The following NIPAL2 variants were observed in gnomAD, a reference collection of about 807,000 sequenced individuals.
NIPAL2 encodes NIPA-like protein 2.
In NIPAL2, 43 loss-of-function variants were observed where a neutral mutation model predicts 48.9. The ratio of observed to expected loss-of-function variants is 0.88; its 90% CI spans 0.69 to 1.13. NIPAL2 has a LOEUF of 1.13. Ranked by LOEUF, NIPAL2 falls within the 50% of genes most tolerant of loss-of-function variation. The pLI, the probability that NIPAL2 is intolerant of heterozygous loss-of-function variation, is 0.00. For missense variants in NIPAL2, 446 were observed against 461.4 expected, an observed-to-expected ratio of 0.97 and a Z score of 0.31; for synonymous variants, 167 against 174.6, an observed-to-expected ratio of 0.96 and a Z score of 0.34.
chr8:98,199,435 A>G (rs1200985819), intron 8 of NIPAL2, among the ~76,000 whole-genome samples: 1 of 152,098 alleles, frequency 6.6e-6, no homozygotes, highest in Non-Finnish European at 1.5e-5. Flanking sequence ...AGGCCATTGT[A>G]GGGTTATTAT....
At chr8:98,237,305 A>G (rs1812769864) in intron 3 of NIPAL2, among the ~76,000 whole-genome samples, 1 of 151,340 alleles carries the variant, frequency 6.6e-6, no homozygotes, top group Non-Finnish European at 1.5e-5. Context: ...TCCTGCCTCG[A>G]CCTCCCAAAG....
rs1813656345 is a variant in NIPAL2 at position 98,252,601 on chromosome 8, G to A, written c.238C>T (p.His80Tyr). The A allele has an allele frequency of 2.5e-6, 4 of 1,612,816 alleles. No individual in the cohort carries two copies. Among genetic ancestry groups the A allele is most frequent in the Non-Finnish European group, 3.4e-6 (4 of 1,179,688 alleles). Residue 80 changes from histidine (H) to tyrosine (Y), a missense_variant, in exon 3 of 11, where the codon CAC becomes TAC. His to Tyr is a moderately conservative substitution (Grantham distance 83, BLOSUM62 2). Transcript: ENST00000430223. ...YSHLQLAQQEHPRPYFKSVLW... is the reference protein window; with the variant it reads ...YSHLQLAQQEYPRPYFKSVLW... ...ACACTCTTGAAGTATGGCCTTGGGT[G>A]CTCTTGTTGTGCCAGCTGAAGGTGA... is the stretch of plus-strand genomic sequence containing the variant.
chr8:98,209,842 C>T (rs1228842988), intron 6 of NIPAL2, among the ~76,000 whole-genome samples: 1 of 152,112 alleles, frequency 6.6e-6, no homozygotes. Flanking sequence ...GCAACAGCAT[C>T]AGAATAATCT....
chr8:98,287,116 C>A (rs1816221950), intron 1 of NIPAL2, among the ~76,000 whole-genome samples: 1 of 151,922 alleles, frequency 6.6e-6, no homozygotes, highest in Non-Finnish European at 1.5e-5. Context: ...GAAAAAAAAA[C>A]AAGCTAAAAT....
intron 4 of NIPAL2, among the ~76,000 whole-genome samples, chr8:98,235,802 TATA>T (rs1465570968): frequency 4.0e-5 from 6 of 151,698 alleles, no homozygotes; most frequent in African/African-American, 7.2e-5. Flanking sequence ...AATGGGTTAT[TATA>T]ATAATAAAAT....
At chr8:98,245,267 G>A (rs192426482) in intron 3 of NIPAL2, among the ~76,000 whole-genome samples, 36 of 152,278 alleles carry the variant, frequency 2.4e-4, no homozygotes, top group Middle Eastern at 3.4e-3. Flanking sequence ...TAACCATATT[G>A]AGGTACTACT....
At chr8:98,199,198 C>T (rs540300010) in intron 8 of NIPAL2, among the ~76,000 whole-genome samples, 9 of 152,154 alleles carry the variant, frequency 5.9e-5, no homozygotes, top group South Asian at 2.1e-4. Flanking sequence ...TCAGGTGATC[C>T]GCCCGCCTCA....
chr8:98,237,439 T>A (rs1028055506), intron 3 of NIPAL2, among the ~76,000 whole-genome samples: 2 of 152,078 alleles, frequency 1.3e-5, no homozygotes, highest in African/African-American at 4.8e-5. Context: ...TTCTCTGGCT[T>A]AGACCTTTAG....
chr8:98,194,118 G>A (rs1563477920), intron 10 of NIPAL2, among the ~76,000 whole-genome samples: 1 of 151,024 alleles, frequency 6.6e-6, no homozygotes, highest in Non-Finnish European at 1.5e-5. Context: ...GCTGGAGAGT[G>A]CTGAGGGCGG....
At chr8:98,274,305 C>A (rs528932015) in intron 1 of NIPAL2, among the ~76,000 whole-genome samples, 66 of 152,016 alleles carry the variant, frequency 4.3e-4, no homozygotes, top group Middle Eastern at 3.4e-3. Flanking sequence ...ACCCATCCAT[C>A]CCATCTATCT....
chr8:98,204,651 G>A (rs763206607), intron 7 of NIPAL2, among the ~76,000 whole-genome samples: 2 of 151,872 alleles, frequency 1.3e-5, no homozygotes, highest in Non-Finnish European at 2.9e-5. Flanking sequence ...GCAAAATTTT[G>A]GGGAAAGGAT....
chr8:98,240,355 G>C (rs1208011388), intron 3 of NIPAL2, among the ~76,000 whole-genome samples: 1 of 152,176 alleles, frequency 6.6e-6, no homozygotes, highest in Non-Finnish European at 1.5e-5. Context: ...CCAGGAGGAA[G>C]ATGCGGGCTC....
chr8:98,193,611 G>A (rs1333065809), intron 10 of NIPAL2, among the ~76,000 whole-genome samples: 1 of 152,030 alleles, frequency 6.6e-6, no homozygotes, highest in Non-Finnish European at 1.5e-5. Flanking sequence ...TTGAGGTCAG[G>A]AATTCGAGAC....
chr8:98,220,126 A>G (rs1004501755), intron 5 of NIPAL2, among the ~76,000 whole-genome samples: 3 of 152,168 alleles, frequency 2.0e-5, no homozygotes, highest in Non-Finnish European at 4.4e-5. Flanking sequence ...AAATGAAAGT[A>G]AAAAGATCTG....
chr8:98,193,390 A>G lies in NIPAL2; in HGVS notation c.1040-300T>C, dbSNP rs151228528. 1.3e-4 allele frequency: 216 copies of G among 1,614,074 alleles called. 1 individual carries two copies. The highest frequency in any genetic ancestry group is 4.2e-4 in the Admixed American group (25 of 60,020). On this transcript the variant is annotated intron_variant, in intron 10 of 10. Coordinates refer to ENST00000430223, the MANE Select transcript of NIPAL2 (RefSeq NM_001321635.2). The stretch of plus-strand genomic sequence containing the variant: ...CACATGAAGCATTCACTCACCTCCA[A>G]GCCTTTCTCTCTGGGGTTGTGTCTT...
intron 1 of NIPAL2, among the ~76,000 whole-genome samples, chr8:98,292,203 C>T (rs1164377368): frequency 1.3e-5 from 2 of 152,214 alleles, no homozygotes; most frequent in African/African-American, 4.8e-5. Context: ...TCTGTATCCA[C>T]ACCCATTTTC....
chr8:98,211,023 G>C (rs928489672), intron 6 of NIPAL2, among the ~76,000 whole-genome samples: 2 of 152,304 alleles, frequency 1.3e-5, no homozygotes. Flanking sequence ...TCATGACGGG[G>C]CTGGGGTTGA....
chr8:98,293,548 G>A (rs932329767), intron 1 of NIPAL2, among the ~76,000 whole-genome samples: 2 of 152,244 alleles, frequency 1.3e-5, no homozygotes, highest in African/African-American at 4.8e-5. Context: ...TGCGCGAGGT[G>A]ACATTAGGCT....
At chr8:98,221,376 A>T (rs1231992204) in intron 5 of NIPAL2, among the ~76,000 whole-genome samples, 7 of 141,418 alleles carry the variant, frequency 4.9e-5, no homozygotes, top group South Asian at 4.7e-4. Context: ...TTTTTTTTTT[A>T]AATAAATCAC....
Sources: allele counts gnomAD v4.1 joint callset (sites outside exome capture counted in the v4.1 genomes callset), GRCh38; gene constraint gnomAD v4.1.1; transcripts MANE v1.5; gene names NCBI Gene and HGNC (gene_info 2026-07-23, HGNC 2026-07-21).